Variants in RUNX1T1 observed in about 807,000 individuals in gnomAD.
RUNX1T1 encodes RUNX1 partner transcriptional co-repressor 1.
RUNX1T1 carries 4 observed loss-of-function variants against 62.8 expected under a neutral mutation model. That is an observed-to-expected ratio of 0.06 (90% CI 0.03 to 0.15). RUNX1T1 has a LOEUF of 0.15. Ranked by LOEUF, RUNX1T1 falls within the 10% of genes least tolerant of loss-of-function variation. The pLI, the probability that RUNX1T1 is intolerant of heterozygous loss-of-function variation, is 1.00. For missense variants in RUNX1T1, 508 were observed against 754.3 expected, an observed-to-expected ratio of 0.67 and a Z score of 3.82; for synonymous variants, 291 against 286.0, an observed-to-expected ratio of 1.02 and a Z score of -0.18.
intron 1 of RUNX1T1, among the ~76,000 whole-genome samples, chr8:92,020,066 C>T (rs181957489): frequency 5.9e-5 from 9 of 152,238 alleles, no homozygotes; most frequent in Admixed American, 1.3e-4. Context: ...AATGGAGTTC[C>T]AGCCCAGAGG....
At chr8:91,997,018 T>C (rs1439969287) in intron 5 of RUNX1T1, among the ~76,000 whole-genome samples, 5 of 151,528 alleles carry the variant, frequency 3.3e-5, no homozygotes, top group Admixed American at 2.6e-4. Context: ...TCCCAGCTAC[T>C]CTGAAGGCTG....
At chr8:91,987,573 T>C (rs1341941331) in intron 6 of RUNX1T1, among the ~76,000 whole-genome samples, 2 of 152,120 alleles carry the variant, frequency 1.3e-5, no homozygotes, top group African/African-American at 4.8e-5. Context: ...GTAAATTGGA[T>C]ATTCTTCAAA....
At chr8:92,037,685 TA>T (rs1168576631) in intron 1 of RUNX1T1, among the ~76,000 whole-genome samples, 4 of 151,652 alleles carry the variant, frequency 2.6e-5, no homozygotes, top group Admixed American at 6.6e-5. Flanking sequence ...TCAAAAAAAA[TA>T]AATTTAAAAA....
At chr8:91,967,242 C>A (rs1246628191) in intron 10 of RUNX1T1, among the ~76,000 whole-genome samples, 1 of 152,178 alleles carries the variant, frequency 6.6e-6, no homozygotes, top group Non-Finnish European at 1.5e-5. Flanking sequence ...TTCATGCAAC[C>A]TCCGATAACT....
intron 1 of RUNX1T1, among the ~76,000 whole-genome samples, chr8:92,077,484 T>G (rs1420215645): frequency 6.6e-6 from 1 of 152,082 alleles, no homozygotes; most frequent in Non-Finnish European, 1.5e-5. Flanking sequence ...TAAATACATC[T>G]AGATGTTAAA....
intron 1 of RUNX1T1, among the ~76,000 whole-genome samples, chr8:92,078,833 T>C (rs1834815212): frequency 6.6e-6 from 1 of 152,350 alleles, no homozygotes; most frequent in East Asian, 1.9e-4. Context: ...GAATACTTTT[T>C]TGATCAATCT....
chr8:92,065,390 T>C (rs1190034930), upstream of RUNX1T1, among the ~76,000 whole-genome samples: 1 of 152,190 alleles, frequency 6.6e-6, no homozygotes, highest in Non-Finnish European at 1.5e-5. Context: ...TAACAAAGAA[T>C]ACATTACTCA....
chr8:92,050,706 A>T (rs1442069807), intron 1 of RUNX1T1, among the ~76,000 whole-genome samples: 1 of 152,148 alleles, frequency 6.6e-6, no homozygotes, highest in Non-Finnish European at 1.5e-5. Context: ...GGCTCATCTC[A>T]TTCTTTCCAG....
chr8:92,052,567 G>A (rs1457389298), intron 1 of RUNX1T1, among the ~76,000 whole-genome samples: 1 of 151,992 alleles, frequency 6.6e-6, no homozygotes, highest in Non-Finnish European at 1.5e-5. Context: ...ACCTAACCTG[G>A]CTTATTTATG....
chr8:92,003,627 A>C (rs1820180201), intron 5 of RUNX1T1, among the ~76,000 whole-genome samples: 1 of 152,180 alleles, frequency 6.6e-6, no homozygotes, highest in Non-Finnish European at 1.5e-5. Flanking sequence ...GAGCTAAAAC[A>C]TCTCAGTATC....
chr8:91,998,341 G>A (rs983936077), intron 5 of RUNX1T1, among the ~76,000 whole-genome samples: 2 of 152,158 alleles, frequency 1.3e-5, no homozygotes, highest in African/African-American at 4.8e-5. Context: ...CACTCTAGAG[G>A]GAGGGGGACA....
chr8:91,973,335 A>C (rs1376026432), intron 9 of RUNX1T1, among the ~76,000 whole-genome samples: 1 of 151,890 alleles, frequency 6.6e-6, no homozygotes, highest in East Asian at 1.9e-4. Flanking sequence ...ATCTAGGTGA[A>C]AGTTATAGAG....
chr8:91,973,477 G>A (rs1192096053), intron 9 of RUNX1T1, among the ~76,000 whole-genome samples: 1 of 151,932 alleles, frequency 6.6e-6, no homozygotes, highest in East Asian at 1.9e-4. Context: ...CTGTGAAAGT[G>A]GATGCATTTG....
At chr8:92,060,472 T>A (rs1386628719) in intron 1 of RUNX1T1, among the ~76,000 whole-genome samples, 1 of 147,416 alleles carries the variant, frequency 6.8e-6, no homozygotes, top group Non-Finnish European at 1.5e-5. Context: ...TGGCAATTGT[T>A]ACATCATGTC....
intron 1 of RUNX1T1, among the ~76,000 whole-genome samples, chr8:92,040,355 C>T (rs1229807177): frequency 6.6e-6 from 1 of 152,078 alleles, no homozygotes; most frequent in African/African-American, 2.4e-5. Flanking sequence ...CGTGTGTATA[C>T]TATATACACA....
chr8:92,098,757 G>T (rs2130949350), intron 1 of RUNX1T1, among the ~76,000 whole-genome samples: 1 of 152,104 alleles, frequency 6.6e-6, no homozygotes, highest in Non-Finnish European at 1.5e-5. Context: ...TCATTTCTTT[G>T]GCCCTAATCT....
chr8:92,095,283 C>G, intron 1 of RUNX1T1: 1 of 1,518,546 alleles, frequency 6.6e-7, no homozygotes, highest in Non-Finnish European at 8.8e-7. Flanking sequence ...CCCCACGCCC[C>G]CCTTCCTCCT....
At chr8:92,065,353 A>T (rs1196194611), upstream of RUNX1T1, among the ~76,000 whole-genome samples, 1 of 152,138 alleles carries the variant, frequency 6.6e-6, no homozygotes. Context: ...AAGGAAACAT[A>T]TTTTATAAAA....
chr8:92,053,141 TAAAGA>T (rs1554639651), intron 1 of RUNX1T1, among the ~76,000 whole-genome samples: 1 of 152,032 alleles, frequency 6.6e-6, no homozygotes, highest in Non-Finnish European at 1.5e-5. Context: ...TTCAAATTTT[TAAAGA>T]AAATATATAT....
Sources: allele counts gnomAD v4.1 joint callset (sites outside exome capture counted in the v4.1 genomes callset), GRCh38; gene constraint gnomAD v4.1.1; transcripts MANE v1.5; gene names NCBI Gene and HGNC (gene_info 2026-07-23, HGNC 2026-07-21).